Variants in CSMD1 observed in about 807,000 individuals in gnomAD.
The protein encoded by CSMD1 is CUB and sushi domain-containing protein 1.
In CSMD1, 213 loss-of-function variants were observed where a neutral mutation model predicts 417.5. That is an observed-to-expected ratio of 0.51 (90% CI 0.46 to 0.57). The LOEUF is 0.57. Ranked by LOEUF, CSMD1 falls within the 20% of genes least tolerant of loss-of-function variation. The pLI is 0.00. For synonymous variants in CSMD1, 2,862 were observed against 1,736.8 expected, an observed-to-expected ratio of 1.65 and a Z score of -16.11; for missense variants, 6,923 against 4,529.7, an observed-to-expected ratio of 1.53 and a Z score of -15.17.
intron 25 of CSMD1, among the ~76,000 whole-genome samples, chr8:3,289,084 T>C (rs1803363926): frequency 6.8e-6 from 1 of 147,320 alleles, no homozygotes; most frequent in Admixed American, 6.7e-5. Context: ...GTATTTAGTT[T>C]TTTGTCCTTG....
chr8:4,522,170 A>C (rs1213448445), intron 2 of CSMD1, among the ~76,000 whole-genome samples: 1 of 152,088 alleles, frequency 6.6e-6, no homozygotes, highest in Non-Finnish European at 1.5e-5. Flanking sequence ...TTCTCGTGAT[A>C]GTGAATGAGT....
chr8:4,136,110 A>C (rs1386541153), intron 3 of CSMD1, among the ~76,000 whole-genome samples: 1 of 152,220 alleles, frequency 6.6e-6, no homozygotes, highest in African/African-American at 2.4e-5. Context: ...CTTTGAAGGA[A>C]ACTTTCCAAA....
At chr8:3,562,688 T>C (rs1025120657) in intron 10 of CSMD1, among the ~76,000 whole-genome samples, 2 of 152,004 alleles carry the variant, frequency 1.3e-5, no homozygotes, top group Non-Finnish European at 2.9e-5. Context: ...ACTATTATAG[T>C]TAATAATGAA....
At chr8:4,781,781 A>C (rs537969218) in intron 1 of CSMD1, among the ~76,000 whole-genome samples, 19 of 152,312 alleles carry the variant, frequency 1.2e-4, no homozygotes, top group African/African-American at 4.3e-4. Context: ...ATATGTGAGG[A>C]ATAATGATCA....
intron 26 of CSMD1, among the ~76,000 whole-genome samples, chr8:3,253,992 T>A (rs964117971): frequency 6.6e-6 from 1 of 152,236 alleles, no homozygotes; most frequent in Non-Finnish European, 1.5e-5. Context: ...CAATTTTGCA[T>A]GTTTTTGCAG....
chr8:4,363,299 C>A (rs919895112), intron 3 of CSMD1, among the ~76,000 whole-genome samples: 1 of 152,166 alleles, frequency 6.6e-6, no homozygotes, highest in Non-Finnish European at 1.5e-5. Flanking sequence ...TTCCCTCCTG[C>A]CCGTCATGAA....
intron 3 of CSMD1, among the ~76,000 whole-genome samples, chr8:4,045,745 G>A (rs1165122223): frequency 3.3e-5 from 5 of 152,162 alleles, no homozygotes; most frequent in African/African-American, 1.2e-4. Flanking sequence ...GAACACCAGT[G>A]AACTGTGAAA....
intron 5 of CSMD1, among the ~76,000 whole-genome samples, chr8:3,767,155 C>G (rs990238758): frequency 6.6e-6 from 1 of 152,220 alleles, no homozygotes; most frequent in Admixed American, 6.5e-5. Flanking sequence ...GCTGGTCTGT[C>G]TGTGCTGTGC....
chr8:3,778,119 CT>C lies in CSMD1; in HGVS notation c.819-24078del, dbSNP rs1212909266. Among the ~76,000 whole-genome samples, 3 of 152,332 alleles carry C rather than the reference CT, an allele frequency of 2.0e-5. No homozygotes were observed. The East Asian group carries it at 5.8e-4, about 29-fold the overall frequency. On this transcript the variant is annotated intron_variant, in intron 5 of 69. Transcript: ENST00000635120. ...GCCCAGAGCATTATCTTGAGAAAGA[CT>C]TTGAGACTCAGTTTGGAGTCAGTGG...
At chr8:3,696,592 C>G (rs1440750986) in intron 7 of CSMD1, among the ~76,000 whole-genome samples, 1 of 152,024 alleles carries the variant, frequency 6.6e-6, no homozygotes, top group Non-Finnish European at 1.5e-5. Flanking sequence ...TTGGGCAGAT[C>G]AGGAAAAAAA....
chr8:4,397,533 T>C (rs1804329630), intron 3 of CSMD1, among the ~76,000 whole-genome samples: 1 of 132,518 alleles, frequency 7.5e-6, no homozygotes, highest in African/African-American at 3.2e-5. Flanking sequence ...CTTTTTTTTT[T>C]TTTTTTTTTT....
Position 4,413,771 on chromosome 8 carries a change from G to A in CSMD1, c.415+6182C>T, listed in dbSNP as rs545828778. Among the ~76,000 whole-genome samples, 3 of 152,054 alleles carry A rather than the reference G, an allele frequency of 2.0e-5. No individual in the cohort carries two copies. In the South Asian group the frequency reaches 6.2e-4, roughly 31 times the overall value. On this transcript the variant is annotated intron_variant, in intron 3 of 69. Coordinates refer to ENST00000635120, the MANE Select transcript of CSMD1 (RefSeq NM_033225.6). ...AAACCCCTGCAAATGGAGGACAAAC[G>A]AGAGATTTCGGTAGCTTCTGGCAAC...
chr8:3,860,067 G>T (rs901319816), intron 5 of CSMD1, among the ~76,000 whole-genome samples: 1 of 151,974 alleles, frequency 6.6e-6, no homozygotes, highest in Non-Finnish European at 1.5e-5. Flanking sequence ...TTGCAGTATG[G>T]TTAGTTGTGG....
intron 5 of CSMD1, among the ~76,000 whole-genome samples, chr8:3,777,081 A>G (rs138652180): frequency 2.4e-3 from 364 of 150,958 alleles, no homozygotes; most frequent in African/African-American, 8.5e-3. Context: ...CATGCTTCCT[A>G]CTATCTATCT....
chr8:3,200,871 C>T (rs1348608028), intron 32 of CSMD1, among the ~76,000 whole-genome samples: 1 of 152,076 alleles, frequency 6.6e-6, no homozygotes, highest in Non-Finnish European at 1.5e-5. Context: ...TGACGCATAT[C>T]GTTTACTAGG....
chr8:3,561,776 C>G (rs535903277), intron 10 of CSMD1, among the ~76,000 whole-genome samples: 2 of 151,658 alleles, frequency 1.3e-5, no homozygotes, highest in South Asian at 2.1e-4. Flanking sequence ...AAAAATTTAA[C>G]AAGTAAAATT....
intron 10 of CSMD1, among the ~76,000 whole-genome samples, chr8:3,499,850 G>A (rs1313986281): frequency 6.6e-6 from 1 of 152,104 alleles, no homozygotes; most frequent in African/African-American, 2.4e-5. Flanking sequence ...TACTCTGATA[G>A]TTCTTCTGTC....
intron 40 of CSMD1, among the ~76,000 whole-genome samples, chr8:3,147,768 T>C (rs1440576112): frequency 6.6e-6 from 1 of 152,200 alleles, no homozygotes; most frequent in Non-Finnish European, 1.5e-5. Flanking sequence ...CAGTGATACT[T>C]CAAAGGAAAT....
chr8:4,025,005 A>T (rs1023303622), intron 4 of CSMD1, among the ~76,000 whole-genome samples: 4 of 152,214 alleles, frequency 2.6e-5, no homozygotes, highest in African/African-American at 9.6e-5. Flanking sequence ...AAACGGCCTG[A>T]TGCCTTGGTG....
Sources: allele counts gnomAD v4.1 joint callset (sites outside exome capture counted in the v4.1 genomes callset), GRCh38; gene constraint gnomAD v4.1.1; transcripts MANE v1.5; gene names NCBI Gene and HGNC (gene_info 2026-07-23, HGNC 2026-07-21).